NELL1: variants seen among roughly 807,000 people sequenced by gnomAD.
The protein encoded by NELL1 is neural EGFL like 1.
A neutral mutation model predicts 107.4 loss-of-function variants in NELL1; 76 were observed. The observed-to-expected ratio is 0.71, with a 90% CI of 0.59 to 0.86. The LOEUF (loss-of-function observed/expected upper bound fraction) is 0.86, where lower values mean the gene tolerates loss of function less well. Among genes scored for constraint, NELL1 ranks in the 40% least tolerant of loss-of-function variants. NELL1 has a pLI of 0.00. For missense variants in NELL1, 1,024 were observed against 1,005.5 expected (o/e 1.02, Z -0.25); for synonymous variants, 353 against 341.2 (o/e 1.03, Z -0.38).
At chr11:21,188,507 A>G (rs992339744) in intron 13 of NELL1, among the ~76,000 whole-genome samples, 1 of 151,600 alleles carries the variant, frequency 6.6e-6, no homozygotes, top group African/African-American at 2.4e-5. Flanking sequence ...ACTTTTCTTT[A>G]CTCATTCTCA....
chr11:21,415,402 T>A (rs1274603875), intron 15 of NELL1, among the ~76,000 whole-genome samples: 1 of 152,022 alleles, frequency 6.6e-6, no homozygotes, highest in Admixed American at 6.6e-5. Context: ...AGGATTGAAT[T>A]TCTCAGTATG....
chr11:20,741,297 T>C (rs1420393673), intron 2 of NELL1, among the ~76,000 whole-genome samples: 3 of 152,102 alleles, frequency 2.0e-5, no homozygotes, highest in Non-Finnish European at 4.4e-5. Flanking sequence ...ATACAGACCA[T>C]TTAGCTTTCC....
chr11:21,129,772 G>A (rs1855573385), intron 13 of NELL1, among the ~76,000 whole-genome samples: 1 of 152,168 alleles, frequency 6.6e-6, no homozygotes. Flanking sequence ...GGCATGGAAA[G>A]TTATTGTTAA....
At chr11:21,039,641 T>G (rs1853179793) in intron 12 of NELL1, among the ~76,000 whole-genome samples, 2 of 152,200 alleles carry the variant, frequency 1.3e-5, no homozygotes, top group African/African-American at 2.4e-5. Context: ...GGTAAACATC[T>G]TCAATATTAT....
At chr11:21,384,608 C>A (rs557718204) in intron 15 of NELL1, among the ~76,000 whole-genome samples, 3 of 152,104 alleles carry the variant, frequency 2.0e-5, no homozygotes, top group African/African-American at 4.8e-5. Flanking sequence ...CTCCCCACCC[C>A]ACAACAGTCC....
chr11:20,962,184 T>G (rs1270580293), intron 12 of NELL1, among the ~76,000 whole-genome samples: 1 of 152,096 alleles, frequency 6.6e-6, no homozygotes, highest in African/African-American at 2.4e-5. Flanking sequence ...TCTTAGTTAT[T>G]TGTTAATTTG....
At chr11:21,543,214 G>A (rs1295204779) in intron 16 of NELL1, among the ~76,000 whole-genome samples, 1 of 152,048 alleles carries the variant, frequency 6.6e-6, no homozygotes, top group African/African-American at 2.4e-5. Flanking sequence ...AATATTTAGT[G>A]TGGTCTCATT....
intron 3 of NELL1, among the ~76,000 whole-genome samples, chr11:20,844,534 T>A (rs77841953): frequency 0.023 from 3,441 of 152,132 alleles, 122 homozygotes; most frequent in African/African-American, 0.079. Flanking sequence ...TACACCTGAG[T>A]CCTGAAGAAT....
At chr11:20,684,238 T>C (rs1854254586) in intron 2 of NELL1, among the ~76,000 whole-genome samples, 2 of 151,864 alleles carry the variant, frequency 1.3e-5, no homozygotes, top group South Asian at 4.2e-4. Context: ...GAGACCCTCA[T>C]CTCTACAAAA....
At chr11:21,130,591 G>A (rs1218727741) in intron 13 of NELL1, among the ~76,000 whole-genome samples, 2 of 152,158 alleles carry the variant, frequency 1.3e-5, no homozygotes, top group Non-Finnish European at 2.9e-5. Context: ...CAACCAGGGA[G>A]TTGAAAGAGG....
chr11:21,116,630 GC>G (rs1202494811), intron 13 of NELL1, among the ~76,000 whole-genome samples: 1 of 151,808 alleles, frequency 6.6e-6, no homozygotes, highest in East Asian at 1.9e-4. Flanking sequence ...AATTTTTCTA[GC>G]CAAAAATGTA....
chr11:20,754,473 C>T (rs1856213848), intron 2 of NELL1, among the ~76,000 whole-genome samples: 1 of 152,084 alleles, frequency 6.6e-6, no homozygotes, highest in Non-Finnish European at 1.5e-5. Context: ...ACGAACACGT[C>T]ACAGTTGTAT....
intron 14 of NELL1, among the ~76,000 whole-genome samples, chr11:21,336,049 A>C (rs1205966033): frequency 6.6e-6 from 1 of 152,104 alleles, no homozygotes; most frequent in Non-Finnish European, 1.5e-5. Flanking sequence ...ATACATATAA[A>C]ATTTTTCAAC....
chr11:20,751,306 A>G (rs986424523), intron 2 of NELL1, among the ~76,000 whole-genome samples: 1 of 152,142 alleles, frequency 6.6e-6, no homozygotes, highest in African/African-American at 2.4e-5. Flanking sequence ...CTATGCATCA[A>G]TTTTGGATAA....
chr11:21,405,695 T>C lies in NELL1; in HGVS notation c.1645+34747T>C, dbSNP rs142514884. Among the ~76,000 whole-genome samples, 55 of 152,146 alleles carry C rather than the reference T, an allele frequency of 3.6e-4. 1 individual carries two copies. Among genetic ancestry groups the C allele is most frequent in the African/African-American group, 1.3e-3 (53 of 41,568 alleles). On this transcript the variant is annotated intron_variant, in intron 15 of 19. Transcript: ENST00000357134. ...CTTTCCAAACTCTAGCTCCACATGCTGCTTTAAAATTGATTTCTCAATGTG... is the reference window on the plus strand; with the variant it reads ...CTTTCCAAACTCTAGCTCCACATGCCGCTTTAAAATTGATTTCTCAATGTG...
In NELL1 at chr11:21,137,702, G is replaced by A. The variant is rs142831947; in HGVS notation, c.1426+23988G>A. Reference sequence around the variant, plus strand: ...GGAAAGCAGAATAAAGATGCTTAAGGCATCATTTCAGGCAGGCAGCATACA... The same window carrying A: ...GGAAAGCAGAATAAAGATGCTTAAGACATCATTTCAGGCAGGCAGCATACA... On this transcript the variant is annotated intron_variant, in intron 13 of 19. Coordinates refer to ENST00000357134, the MANE Select transcript of NELL1 (RefSeq NM_006157.5). Among the ~76,000 whole-genome samples, 827 of 152,274 alleles carry A rather than the reference G, an allele frequency of 5.4e-3. 6 individuals are homozygous for A. Among genetic ancestry groups the A allele is most frequent in the African/African-American group, 0.019 (802 of 41,542 alleles).
chr11:21,386,435 G>A (rs943924567), intron 15 of NELL1, among the ~76,000 whole-genome samples: 1 of 151,752 alleles, frequency 6.6e-6, no homozygotes, highest in Non-Finnish European at 1.5e-5. Flanking sequence ...ATTTCAGGAA[G>A]ATAAGTGAGT....
intron 5 of NELL1, among the ~76,000 whole-genome samples, chr11:20,891,492 G>T (rs767910398): frequency 1.3e-5 from 2 of 152,080 alleles, no homozygotes; most frequent in Non-Finnish European, 1.5e-5. Context: ...ATGATGACAG[G>T]ATCAAATTCA....
intron 14 of NELL1, among the ~76,000 whole-genome samples, chr11:21,245,166 C>T (rs563469603): frequency 6.6e-6 from 1 of 152,106 alleles, no homozygotes; most frequent in Non-Finnish European, 1.5e-5. Flanking sequence ...CCTTTTCCCC[C>T]ACACAAAACC....
Sources: gnomAD v4.1 joint callset for allele counts (sites outside exome capture counted in the v4.1 genomes callset) on GRCh38, gnomAD v4.1.1 for gene constraint, MANE v1.5 for transcripts, NCBI Gene and HGNC (gene_info 2026-07-23, HGNC 2026-07-21) for gene names.